LANCL3: variants seen among roughly 807,000 people sequenced by gnomAD.
LANCL3 encodes LanC like family member 3.
LANCL3 carries 19 observed loss-of-function variants against 26.5 expected under a neutral mutation model. That is an observed-to-expected ratio of 0.72 (90% confidence interval 0.50 to 1.05). The LOEUF is 1.05. Among genes scored for constraint, LANCL3 ranks in the 50% least tolerant of loss-of-function variants. The probability of loss-of-function intolerance (pLI) is 0.00; values close to 1 mark genes in which losing one functional copy is unlikely to be tolerated. For synonymous variants in LANCL3, 160 were observed against 166.6 expected, an observed-to-expected ratio of 0.96 and a Z score of 0.30; for missense variants, 318 against 362.7, an observed-to-expected ratio of 0.88 and a Z score of 1.00.
At chrX:37,585,494 T>C (rs1924041065) in intron 1 of LANCL3, among the ~76,000 whole-genome samples, 1 of 112,245 alleles carries the variant, frequency 8.9e-6, no homozygotes, top group Non-Finnish European at 1.9e-5. Flanking sequence ...ATTGGGTGCA[T>C]ATACATTTAG....
chrX:37,643,950 A>G (rs1187795518), intron 1 of LANCL3, among the ~76,000 whole-genome samples: 1 of 111,701 alleles, frequency 9.0e-6, no homozygotes, highest in African/African-American at 3.3e-5. Context: ...TCTTATTATC[A>G]CTACTTTTTA....
At chrX:37,613,808 GA>G (rs1416174781) in intron 1 of LANCL3, among the ~76,000 whole-genome samples, 2 of 112,355 alleles carry the variant, frequency 1.8e-5, no homozygotes, top group Non-Finnish European at 3.8e-5. Context: ...TGGTGTTTTA[GA>G]AAATGAGCTT....
In LANCL3 at chrX:37,572,001, C is replaced by G. The variant is rs1487020854; in HGVS notation, c.131C>G (p.Pro44Arg). Residue 44 changes from proline (P) to arginine (R), a missense_variant, in exon 1 of 5, where the codon CCA becomes CGA. Coordinates refer to ENST00000378619, the MANE Select transcript of LANCL3 (RefSeq NM_001170331.2). ...GAGCGCATCCTCCAGGAGCTTCCCC[C>G]ACTCGGGGGCGGCGCGGAGGCCCGA... is the stretch of plus-strand genomic sequence containing the variant. ...TIERILQELP[P>R]LGGGAEARGA... The G allele has an allele frequency of 3.4e-6, 4 of 1,187,555 alleles. No homozygotes were observed. Among genetic ancestry groups the G allele is most frequent in the Non-Finnish European group, 4.5e-6 (4 of 883,742 alleles).
rs1926924742 is a variant in LANCL3 at position 37,681,017 on chromosome X, T to C, written c.*5204T>C. The C allele has an allele frequency of 8.9e-6, 1 of 112,082 alleles. No individual in the cohort carries two copies. The allele number at this position is 112,082 out of a possible 1,213,427, so 9.2% of individuals were successfully genotyped here. The stretch of plus-strand genomic sequence containing the variant: ...CTTATTTATTAAGCTTGACTAAGCT[T>C]ATTAAAACTTCTGCTAGGTTGAAGC... On this transcript the variant is annotated 3_prime_UTR_variant, in exon 5 of 5. Transcript: ENST00000378619.
intron 1 of LANCL3, among the ~76,000 whole-genome samples, chrX:37,612,411 G>A (rs1462443747): frequency 3.6e-5 from 4 of 111,321 alleles, no homozygotes. Flanking sequence ...GAGAGATCAG[G>A]TGATGTCAAG....
At chrX:37,586,277 G>A (rs1418992179) in intron 1 of LANCL3, among the ~76,000 whole-genome samples, 1 of 110,921 alleles carries the variant, frequency 9.0e-6, no homozygotes, top group Non-Finnish European at 1.9e-5. Context: ...TATGTGTCTT[G>A]GAGTTGCTGT....
At chrX:37,614,710 G>A (rs1556421538) in intron 1 of LANCL3, among the ~76,000 whole-genome samples, 1 of 112,172 alleles carries the variant, frequency 8.9e-6, no homozygotes, top group African/African-American at 3.2e-5. Flanking sequence ...CTAGCATTGA[G>A]TGGATACTTC....
rs1602141976 is a variant in LANCL3, at chrX:37,684,194, T to A, written c.*8381T>A. ...ACTGCATGGTATAATGAAATCTCTA[T>A]AAGCAAGATAGAGTCAGAAGCTTAG... On this transcript the variant is annotated 3_prime_UTR_variant, in exon 5 of 5. Coordinates refer to ENST00000378619, the MANE Select transcript of LANCL3 (RefSeq NM_001170331.2). 1 of 112,530 alleles carries A rather than the reference T, an allele frequency of 8.9e-6. No homozygotes were observed. Among genetic ancestry groups the A allele is most frequent in the East Asian group, 2.8e-4 (1 of 3,615 alleles). 9.3% of individuals were successfully genotyped at this position (112,530 alleles called of 1,213,427 possible).
chrX:37,668,161 A>G (rs1182416228), intron 4 of LANCL3, among the ~76,000 whole-genome samples: 1 of 108,096 alleles, frequency 9.3e-6, no homozygotes, highest in Non-Finnish European at 1.9e-5. Flanking sequence ...ATTGTGTACT[A>G]CAAATAATGC....
At chrX:37,657,265 G>A (rs1211735227) in intron 2 of LANCL3, among the ~76,000 whole-genome samples, 1 of 112,901 alleles carries the variant, frequency 8.9e-6, no homozygotes, top group Non-Finnish European at 1.9e-5. Context: ...GAGATATGAA[G>A]CGGGAGCAAA....
At chrX:37,600,836 G>A (rs782599785) in intron 1 of LANCL3, among the ~76,000 whole-genome samples, 1 of 111,319 alleles carries the variant, frequency 9.0e-6, no homozygotes, top group African/African-American at 3.3e-5. Flanking sequence ...AAACACTTTT[G>A]AACCCCTGCT....
At chrX:37,633,618 C>G (rs1556424967) in intron 1 of LANCL3, among the ~76,000 whole-genome samples, 1 of 111,110 alleles carries the variant, frequency 9.0e-6, no homozygotes, top group African/African-American at 3.3e-5. Flanking sequence ...GTGTGGATGT[C>G]CTTTCTGTTT....
intron 1 of LANCL3, among the ~76,000 whole-genome samples, chrX:37,597,827 T>C (rs1245119586): frequency 1.8e-5 from 2 of 109,376 alleles, no homozygotes; most frequent in African/African-American, 6.7e-5. Flanking sequence ...ACAGCACTTA[T>C]TATTATCAGA....
chrX:37,619,825 C>T (rs1245234229), intron 1 of LANCL3, among the ~76,000 whole-genome samples: 7 of 111,743 alleles, frequency 6.3e-5, no homozygotes, highest in Non-Finnish European at 9.4e-5. Flanking sequence ...AAATGGAAAA[C>T]AGCTGCGCAG....
rs1556415565 is a variant in LANCL3, at chrX:37,572,034, CG to C, written c.166del (p.Ala56ArgfsTer138). The C allele has an allele frequency of 6.1e-5, 72 of 1,180,258 alleles. No individual in the cohort carries two copies. The highest frequency in any genetic ancestry group is 8.1e-5 in the Non-Finnish European group (71 of 881,025). ...LGGGAEARGA[T>X]AGASACQGGL... Reference sequence around the variant, plus strand: ...GGCGGCGCGGAGGCCCGAGGGGCGACGGCGGGGGCTAGCGCCTGCCAGGGGG... The same window carrying C: ...GGCGGCGCGGAGGCCCGAGGGGCGACGCGGGGGCTAGCGCCTGCCAGGGGG... On this transcript the variant is annotated frameshift_variant, in exon 1 of 5. Transcript: ENST00000378619. LOFTEE classifies it high-confidence loss of function.
chrX:37,603,140 T>G (rs782053003), intron 1 of LANCL3, among the ~76,000 whole-genome samples: 18 of 112,560 alleles, frequency 1.6e-4, no homozygotes, highest in Non-Finnish European at 3.0e-4. Flanking sequence ...ATCAAGAGAT[T>G]AGTTCTTACT....
intron 1 of LANCL3, among the ~76,000 whole-genome samples, chrX:37,641,295 T>C (rs1556425892): frequency 9.1e-6 from 1 of 109,764 alleles, no homozygotes. Context: ...ATATAAAATA[T>C]ATTTCCCAGA....
At chrX:37,600,282 A>G (rs782088235) in intron 1 of LANCL3, among the ~76,000 whole-genome samples, 5 of 112,149 alleles carry the variant, frequency 4.5e-5, no homozygotes, top group Non-Finnish European at 9.4e-5. Context: ...ACAAATTTAT[A>G]AATTAAACTT....
intron 1 of LANCL3, among the ~76,000 whole-genome samples, chrX:37,592,779 A>AG (rs1924324364): frequency 8.9e-6 from 1 of 112,009 alleles, no homozygotes; most frequent in Non-Finnish European, 1.9e-5. Flanking sequence ...CAATTAAAAG[A>AG]ACAAAGTGAA....
Sources: allele counts gnomAD v4.1 joint callset (sites outside exome capture counted in the v4.1 genomes callset), GRCh38; gene constraint gnomAD v4.1.1; transcripts MANE v1.5; gene names NCBI Gene and HGNC (gene_info 2026-07-23, HGNC 2026-07-21).